Variants in SCFD2 observed in about 807,000 individuals in gnomAD.
SCFD2 encodes the protein sec1 family domain containing 2.
A neutral mutation model predicts 58.9 loss-of-function variants in SCFD2; 54 were observed. That is an observed-to-expected ratio of 0.92 (90% confidence interval 0.74 to 1.15). SCFD2 has a LOEUF of 1.15. SCFD2 is among the 50% of genes most tolerant of loss of function. The probability of loss-of-function intolerance (pLI) is 0.00; values close to 1 mark genes in which losing one functional copy is unlikely to be tolerated. For missense variants in SCFD2, 805 were observed against 836.6 expected (o/e 0.96, Z 0.47); for synonymous variants, 321 against 335.9 (o/e 0.96, Z 0.49).
chr4:53,158,215 G>A (rs1726747664), intron 4 of SCFD2, among the ~76,000 whole-genome samples: 2 of 152,108 alleles, frequency 1.3e-5, no homozygotes, highest in South Asian at 4.2e-4. Flanking sequence ...GTGTCAAAGT[G>A]AAATAAGCTA....
intron 5 of SCFD2, among the ~76,000 whole-genome samples, chr4:53,044,165 T>C (rs1722968010): frequency 6.6e-6 from 1 of 152,160 alleles, no homozygotes; most frequent in South Asian, 2.1e-4. Context: ...TTCCTCCTAA[T>C]GAAGTCTTCT....
intron 4 of SCFD2, among the ~76,000 whole-genome samples, chr4:53,261,041 G>A (rs774825717): frequency 4.6e-5 from 7 of 151,960 alleles, no homozygotes; most frequent in Admixed American, 1.3e-4. Flanking sequence ...TTGAATGATC[G>A]TTTGTATTTC....
chr4:52,979,191 C>G (rs1014533795), intron 5 of SCFD2, among the ~76,000 whole-genome samples: 11 of 152,032 alleles, frequency 7.2e-5, no homozygotes, highest in African/African-American at 2.7e-4. Context: ...AAGGGACTCC[C>G]AAGACTCCTA....
chr4:52,973,948 G>A (rs1721181038), intron 5 of SCFD2, among the ~76,000 whole-genome samples: 1 of 152,130 alleles, frequency 6.6e-6, no homozygotes, highest in African/African-American at 2.4e-5. Flanking sequence ...TGCAGAAAAA[G>A]TCCTTTGACA....
At chr4:53,238,430 G>A (rs1229355790) in intron 4 of SCFD2, among the ~76,000 whole-genome samples, 7 of 149,338 alleles carry the variant, frequency 4.7e-5, no homozygotes, top group Admixed American at 3.3e-4. Context: ...CTCCCGGATG[G>A]GCGGCTGGCC....
At chr4:53,054,757 G>A (rs1184796490) in intron 5 of SCFD2, among the ~76,000 whole-genome samples, 2 of 152,066 alleles carry the variant, frequency 1.3e-5, no homozygotes, top group South Asian at 2.1e-4. Flanking sequence ...GGGCTTAAGC[G>A]ATCCTTCTAC....
chr4:53,312,698 A>AT (rs1732727521), intron 3 of SCFD2, among the ~76,000 whole-genome samples: 1 of 152,092 alleles, frequency 6.6e-6, no homozygotes, highest in South Asian at 2.1e-4. Context: ...ACTTAGTTTG[A>AT]TTTTTGCCCC....
chr4:52,920,859 A>G lies in SCFD2; in HGVS notation c.1573T>C (p.Ser525Pro). The G allele has an allele frequency of 6.2e-7, 1 of 1,609,910 alleles. No homozygotes were observed. Among genetic ancestry groups the G allele is most frequent in the Non-Finnish European group, 8.5e-7 (1 of 1,177,490 alleles). The change falls in exon 6 of 9, where the codon TCA (serine) becomes CCA (proline). Residue 525 changes from serine to proline, a missense_variant. Physicochemically the swap from Ser to Pro is moderately conservative, Grantham distance 74. Around this residue, in one of 3 missense-constraint regions of SCFD2, gnomAD observed 633 missense variants for 646.8 expected, o/e 0.98. Coordinates refer to ENST00000401642, the MANE Select transcript of SCFD2 (RefSeq NM_152540.4). ...LLQKITDWDS[S>P]INLTFHKSKI... ...GATTTGTGAAATGTCAGATTAATTGAAGAGTCCCAGTCTGAAAAAATCCAG... is the reference window on the plus strand; with the variant it reads ...GATTTGTGAAATGTCAGATTAATTGGAGAGTCCCAGTCTGAAAAAATCCAG...
At chr4:53,049,445 TTAAC>T (rs1298385253) in intron 5 of SCFD2, among the ~76,000 whole-genome samples, 1 of 152,212 alleles carries the variant, frequency 6.6e-6, no homozygotes, top group African/African-American at 2.4e-5. Flanking sequence ...ATAACCTATA[TTAAC>T]TTATTTAGTC....
chr4:52,997,639 G>T (rs1721773560), intron 5 of SCFD2, among the ~76,000 whole-genome samples: 1 of 152,156 alleles, frequency 6.6e-6, no homozygotes, highest in South Asian at 2.1e-4. Context: ...CCAACCTCAG[G>T]GCTTAGGCCT....
chr4:53,079,435 C>T (rs1724077387), intron 5 of SCFD2, among the ~76,000 whole-genome samples: 2 of 152,182 alleles, frequency 1.3e-5, no homozygotes, highest in Admixed American at 6.5e-5. Context: ...ATACCTTAGC[C>T]AAGTCAAGCT....
chr4:52,972,655 CA>C (rs1240406863), intron 5 of SCFD2, among the ~76,000 whole-genome samples: 1 of 152,198 alleles, frequency 6.6e-6, no homozygotes, highest in African/African-American at 2.4e-5. Flanking sequence ...CTCAGCTCTG[CA>C]CCAAGCAGAC....
At chr4:53,019,671 A>G (rs1239143378) in intron 5 of SCFD2, among the ~76,000 whole-genome samples, 1 of 152,166 alleles carries the variant, frequency 6.6e-6, no homozygotes, top group Admixed American at 6.5e-5. Flanking sequence ...TGTGAGACAT[A>G]TCACTTAAAA....
At chr4:53,309,326 G>A (rs754452017) in intron 3 of SCFD2, among the ~76,000 whole-genome samples, 71 of 152,282 alleles carry the variant, frequency 4.7e-4, no homozygotes, top group South Asian at 1.9e-3. Flanking sequence ...AGAACTCATC[G>A]TATTTAATTA....
chr4:53,307,600 T>A (rs1732557422), intron 3 of SCFD2, among the ~76,000 whole-genome samples: 1 of 152,042 alleles, frequency 6.6e-6, no homozygotes, highest in Non-Finnish European at 1.5e-5. Flanking sequence ...ATTGAAAGGA[T>A]AAAAAGAGAA....
chr4:53,016,397 T>C (rs1203141911), intron 5 of SCFD2, among the ~76,000 whole-genome samples: 1 of 152,200 alleles, frequency 6.6e-6, no homozygotes, highest in African/African-American at 2.4e-5. Context: ...CACTCCTGGA[T>C]TGTACAGGAG....
chr4:52,924,400 G>A (rs1050543518), intron 5 of SCFD2, among the ~76,000 whole-genome samples: 6 of 152,258 alleles, frequency 3.9e-5, no homozygotes, highest in African/African-American at 1.4e-4. Context: ...GAACTCAAAT[G>A]AACCCAACAG....
chr4:53,161,987 C>T (rs1726866898), intron 4 of SCFD2, among the ~76,000 whole-genome samples: 1 of 152,140 alleles, frequency 6.6e-6, no homozygotes, highest in Non-Finnish European at 1.5e-5. Context: ...CAGGTCAATA[C>T]TGGGCTTTCC....
At chr4:53,285,695 A>G (rs963682006) in intron 3 of SCFD2, among the ~76,000 whole-genome samples, 3 of 152,040 alleles carry the variant, frequency 2.0e-5, no homozygotes, top group African/African-American at 7.2e-5. Context: ...GATGTCACAT[A>G]AAGAAACACC....
Sources: allele counts gnomAD v4.1 joint callset (sites outside exome capture counted in the v4.1 genomes callset), GRCh38; gene constraint gnomAD v4.1.1; regional missense constraint gnomAD v4.1.1; transcripts MANE v1.5; gene names NCBI Gene and HGNC (gene_info 2026-07-23, HGNC 2026-07-21).